The following TET2 variants were observed in gnomAD, a reference collection of about 807,000 sequenced individuals.
The protein encoded by TET2 is methylcytosine dioxygenase TET2.
A neutral mutation model predicts 142.9 loss-of-function variants in TET2; 299 were observed. That is an observed-to-expected ratio of 2.09 (90% CI 1.90 to 2.30). TET2 has a LOEUF of 2.30. TET2 is among the 30% of genes most tolerant of loss of function. The pLI is 0.00. For missense variants in TET2, 2,418 were observed against 2,378.0 expected (o/e 1.02, Z -0.35); for synonymous variants, 819 against 849.0 (o/e 0.96, Z 0.61).
intron 3 of TET2, chr4:105,240,536 C>A: frequency 9.3e-7 from 1 of 1,078,894 alleles, no homozygotes; most frequent in Non-Finnish European, 1.1e-6. Flanking sequence ...TTCCCTCTTG[C>A]AATGAGATAC....
chr4:105,170,947 TTCC>T (rs1449091778), intron 1 of TET2, among the ~76,000 whole-genome samples: 1 of 151,742 alleles, frequency 6.6e-6, no homozygotes, highest in South Asian at 2.1e-4. Flanking sequence ...GTCTACCAAC[TTCC>T]TCCTCCTTCT....
intron 2 of TET2, among the ~76,000 whole-genome samples, chr4:105,230,269 C>T (rs1038939458): frequency 6.6e-5 from 10 of 152,296 alleles, no homozygotes; most frequent in Admixed American, 1.3e-4. Flanking sequence ...GTCTAGAACT[C>T]CTGGCCTCAG....
At chr4:105,154,392 T>A (rs1445332885) in intron 1 of TET2, among the ~76,000 whole-genome samples, 1 of 152,216 alleles carries the variant, frequency 6.6e-6, no homozygotes, top group African/African-American at 2.4e-5. Context: ...CAGGAACTAT[T>A]TGGATTGAAT....
chr4:105,203,141 A>G (rs1726576955), intron 2 of TET2, among the ~76,000 whole-genome samples: 1 of 152,202 alleles, frequency 6.6e-6, no homozygotes, highest in African/African-American at 2.4e-5. Flanking sequence ...TGACTAAGAG[A>G]GTTGGAAAGG....
intron 6 of TET2, among the ~76,000 whole-genome samples, chr4:105,245,775 A>C (rs1271343955): frequency 6.6e-6 from 1 of 152,182 alleles, no homozygotes; most frequent in Non-Finnish European, 1.5e-5. Context: ...TCTTTCAAGA[A>C]CTCAGTAATA....
Position 105,274,793 on chromosome 4 carries a change from T to G in TET2, c.4538-255T>G, listed in dbSNP as rs1731118067. ...GCATGTTCAGAAGTTCCAAAGAACA[T>G]TTTGCTCTCAATGGAATGGCTTTGG... On this transcript the variant is annotated intron_variant, in intron 10 of 10. Coordinates refer to ENST00000380013, the MANE Select transcript of TET2 (RefSeq NM_001127208.3). Among the ~76,000 whole-genome samples, 3 of 152,084 alleles carry G rather than the reference T, an allele frequency of 2.0e-5. No homozygotes were observed. The South Asian group carries it at 6.2e-4, about 32-fold the overall frequency.
At position 105,225,185 on chromosome 4, in the gene TET2, C is replaced by CGTGTGTGTGTGTGTGTGTGTGTGT. The variant is rs79864807; in HGVS notation, c.-46-8710_-46-8687dup. Among the ~76,000 whole-genome samples the CGTGTGTGTGTGTGTGTGTGTGTGT allele has an allele frequency of 1.4e-3, 208 of 147,206 alleles. 1 individual carries two copies. The highest frequency in any genetic ancestry group is 4.0e-3 in the African/African-American group (156 of 39,236). ...CATGCTGCACCATATAGTAAAAAAT[C>CGTGTGTGTGTGTGTGTGTGTGTGT]GTGTGTGTGTGTGTGTGTGTGTGTG... On this transcript the variant is annotated intron_variant, in intron 2 of 10. Coordinates refer to ENST00000380013, the MANE Select transcript of TET2 (RefSeq NM_001127208.3).
At chr4:105,274,929 G>T in intron 10 of TET2, 119 bp from the exon 11 acceptor site, 1 of 1,270,586 alleles carries the variant, frequency 7.9e-7, no homozygotes, top group Non-Finnish European at 1.0e-6. Flanking sequence ...TTTGCTTAAT[G>T]GGTGTCGTAT....
intron 9 of TET2, among the ~76,000 whole-genome samples, chr4:105,272,322 C>A (rs1731002038): frequency 6.6e-6 from 1 of 152,146 alleles, no homozygotes; most frequent in Non-Finnish European, 1.5e-5. Flanking sequence ...GCTAACTGTT[C>A]CTGATAGACT....
In TET2 at chr4:105,258,299, T is replaced by C. The variant is rs201646490; in HGVS notation, c.3804-1320T>C. On this transcript the variant is annotated intron_variant, in intron 6 of 10. Coordinates refer to ENST00000380013, the MANE Select transcript of TET2 (RefSeq NM_001127208.3). ...CCTTATTCTGCCATTTTTGCTGACA[T>C]GTGTAAAGTGATCATTTCTAATTGT... is the stretch of plus-strand genomic sequence containing the variant. Among the ~76,000 whole-genome samples the C allele has an allele frequency of 3.7e-5, 3 of 81,094 alleles. No individual in the cohort carries two copies. The South Asian group carries it at 1.2e-3, about 32-fold the overall frequency. 53.2% of individuals were successfully genotyped at this position (81,094 alleles called of 152,430 possible). A position where few individuals can be genotyped will look rare whatever the true frequency, so the allele number is the denominator to read the frequency against.
chr4:105,194,853 C>T (rs1295428395), intron 2 of TET2, among the ~76,000 whole-genome samples: 1 of 152,104 alleles, frequency 6.6e-6, no homozygotes, highest in Non-Finnish European at 1.5e-5. Flanking sequence ...ATTACACATG[C>T]CACATGGTAT....
At chr4:105,232,514 A>C (rs1213454282) in intron 2 of TET2, among the ~76,000 whole-genome samples, 1 of 152,200 alleles carries the variant, frequency 6.6e-6, no homozygotes, top group African/African-American at 2.4e-5. Flanking sequence ...CTCTGCAGGA[A>C]TGATTAATTC....
intron 9 of TET2, among the ~76,000 whole-genome samples, chr4:105,271,769 T>C (rs1055288737): frequency 1.3e-5 from 2 of 152,232 alleles, no homozygotes; most frequent in African/African-American, 4.8e-5. Context: ...AATAATCTTT[T>C]ACCAAAGCTA....
chr4:105,157,378 C>T (rs1252351837), intron 1 of TET2, among the ~76,000 whole-genome samples: 2 of 152,030 alleles, frequency 1.3e-5, no homozygotes, highest in African/African-American at 4.8e-5. Flanking sequence ...GGAAAAAACA[C>T]ACTTTAAACC....
intron 8 of TET2, among the ~76,000 whole-genome samples, chr4:105,267,247 G>A (rs1225126363): frequency 2.0e-5 from 3 of 151,878 alleles, no homozygotes; most frequent in African/African-American, 4.8e-5. Flanking sequence ...AATGTTAAAC[G>A]AAATCCTTCA....
chr4:105,247,931 A>C (rs1350609777), intron 6 of TET2, among the ~76,000 whole-genome samples: 1 of 152,052 alleles, frequency 6.6e-6, no homozygotes, highest in African/African-American at 2.4e-5. Context: ...CATGTTGGCC[A>C]GGCTGGTCTG....
rs1272457633 is a variant in TET2 at position 105,279,173 on chromosome 4, A to G, written c.*2654A>G. On this transcript the variant is annotated 3_prime_UTR_variant, in exon 11 of 11. Transcript: ENST00000380013. ...TATACCATAATATCTAGCCCCAAACATTTGATTACTACATGTGCATTGGTG... is the reference window on the plus strand; with the variant it reads ...TATACCATAATATCTAGCCCCAAACGTTTGATTACTACATGTGCATTGGTG... 4.3e-6 allele frequency: 1 copy of G among 232,372 alleles called. No homozygotes were observed. Among genetic ancestry groups the G allele is most frequent in the African/African-American group, 2.2e-5 (1 of 45,314 alleles). 14.4% of individuals were successfully genotyped at this position (232,372 alleles called of 1,614,324 possible).
Position 105,232,416 on chromosome 4 carries a change from A to T in TET2, c.-46-1481A>T, listed in dbSNP as rs1271596099. 4.6e-5 allele frequency among the ~76,000 whole-genome samples: 7 copies of T among 152,192 alleles called. No homozygotes were observed. In the East Asian group the frequency reaches 1.3e-3, roughly 29 times the overall value. On this transcript the variant is annotated intron_variant, in intron 2 of 10. Coordinates refer to ENST00000380013, the MANE Select transcript of TET2 (RefSeq NM_001127208.3). ...GATTGCTCGGTCAGATGGCAATTCT[A>T]AGTCCTCTGAAATTACCGCACTGCT... is the stretch of plus-strand genomic sequence containing the variant.
chr4:105,215,654 C>T (rs772783049), intron 2 of TET2, among the ~76,000 whole-genome samples: 3 of 152,130 alleles, frequency 2.0e-5, no homozygotes, highest in African/African-American at 4.8e-5. Flanking sequence ...ATGCAGTCTT[C>T]AGCATCATCT....
Sources: allele counts gnomAD v4.1 joint callset (sites outside exome capture counted in the v4.1 genomes callset), GRCh38; gene constraint gnomAD v4.1.1; transcripts MANE v1.5; gene names NCBI Gene and HGNC (gene_info 2026-07-23, HGNC 2026-07-21).